SHISA9: variants seen among roughly 807,000 people sequenced by gnomAD.
The protein encoded by SHISA9 is shisa family member 9, also known as protein shisa-9.
SHISA9 carries 13 observed loss-of-function variants against 38.0 expected under a neutral mutation model. The ratio of observed to expected loss-of-function variants is 0.34; its 90% CI spans 0.22 to 0.54. SHISA9 has a LOEUF of 0.54. SHISA9 is among the 20% of genes least tolerant of loss of function. The probability of loss-of-function intolerance (pLI) is 0.91; values close to 1 mark genes in which losing one functional copy is unlikely to be tolerated. For synonymous variants in SHISA9, 275 were observed against 242.0 expected (o/e 1.14, Z -1.27); for missense variants, 538 against 575.8 (o/e 0.93, Z 0.67).
chr16:13,068,693 C>T (rs1309489020), intron 2 of SHISA9, among the ~76,000 whole-genome samples: 1 of 152,206 alleles, frequency 6.6e-6, no homozygotes, highest in Non-Finnish European at 1.5e-5. Context: ...CCCCTGCAAC[C>T]TGTGATGGTA....
intron 2 of SHISA9, among the ~76,000 whole-genome samples, chr16:13,031,733 A>C (rs2072993646): frequency 6.6e-6 from 1 of 152,244 alleles, no homozygotes; most frequent in Non-Finnish European, 1.5e-5. Context: ...CATATGAGAC[A>C]GTTCTGTTAC....
intron 2 of SHISA9, among the ~76,000 whole-genome samples, chr16:12,966,934 G>C (rs572450595): frequency 7.2e-4 from 109 of 152,242 alleles, no homozygotes; most frequent in African/African-American, 2.6e-3. Context: ...CCATTCAACA[G>C]GTTTCCTGGG....
chr16:13,272,091 A>G, the SHISA9 span, among the ~76,000 whole-genome samples: 594 of 81,178 alleles, frequency 7.3e-3, 3 homozygotes, highest in Admixed American at 0.012. Context: ...AAAAAAAAAA[A>G]AGAGAGAGAG....
At chr16:13,057,827 T>C (rs945026064) in intron 2 of SHISA9, among the ~76,000 whole-genome samples, 3 of 152,148 alleles carry the variant, frequency 2.0e-5, no homozygotes, top group African/African-American at 2.4e-5. Flanking sequence ...ACAGGCCCCA[T>C]TGTGTGATAT....
chr16:13,532,739 A>G, the SHISA9 span, among the ~76,000 whole-genome samples: 1 of 152,092 alleles, frequency 6.6e-6, no homozygotes, highest in Non-Finnish European at 1.5e-5. Context: ...TTTCAAGGCC[A>G]TGCCAAACCT....
At chr16:13,274,267 G>A in the SHISA9 span, among the ~76,000 whole-genome samples, 4,163 of 152,144 alleles carry the variant, frequency 0.027, 93 homozygotes, top group Non-Finnish European at 0.043. Flanking sequence ...TGGTGTTCTG[G>A]CTCTCAGTCT....
the SHISA9 span, among the ~76,000 whole-genome samples, chr16:13,267,195 A>C: frequency 6.6e-6 from 1 of 152,208 alleles, no homozygotes; most frequent in Non-Finnish European, 1.5e-5. Flanking sequence ...TCAAGAGCCT[A>C]TAGAATTATT....
the SHISA9 span, among the ~76,000 whole-genome samples, chr16:13,454,936 A>G: frequency 1.3e-5 from 2 of 151,758 alleles, no homozygotes; most frequent in South Asian, 4.2e-4. Flanking sequence ...TGTTCACCCC[A>G]CTCTATTTAG....
the SHISA9 span, among the ~76,000 whole-genome samples, chr16:13,502,873 C>G: frequency 2.0e-5 from 3 of 151,550 alleles, no homozygotes; most frequent in African/African-American, 7.3e-5. Flanking sequence ...TGAGACCTGT[C>G]TCGAAAAAAA....
intron 2 of SHISA9, among the ~76,000 whole-genome samples, chr16:12,967,311 A>G (rs1393057883): frequency 3.3e-5 from 5 of 152,212 alleles, no homozygotes; most frequent in Non-Finnish European, 7.3e-5. Flanking sequence ...TGGCAAGGAC[A>G]AAAAACCAAA....
intron 2 of SHISA9, among the ~76,000 whole-genome samples, chr16:13,147,877 C>T (rs1175019012): frequency 1.3e-5 from 2 of 152,202 alleles, no homozygotes; most frequent in African/African-American, 4.8e-5. Flanking sequence ...TCCTACTGAG[C>T]ATAGCTTGAG....
At chr16:13,539,604 C>T in the SHISA9 span, among the ~76,000 whole-genome samples, 4 of 151,890 alleles carry the variant, frequency 2.6e-5, no homozygotes, top group Admixed American at 1.3e-4. Flanking sequence ...ATTTGAATTT[C>T]CAACTTTTAT....
downstream of SHISA9, among the ~76,000 whole-genome samples, chr16:13,245,122 G>T (rs980925208): frequency 1.2e-4 from 18 of 152,040 alleles, no homozygotes; most frequent in African/African-American, 4.3e-4. Flanking sequence ...TCACCATGTT[G>T]TACAGGTTGG....
chr16:13,131,746 A>C (rs1289844574), intron 2 of SHISA9, among the ~76,000 whole-genome samples: 1 of 152,180 alleles, frequency 6.6e-6, no homozygotes, highest in African/African-American at 2.4e-5. Context: ...AAAATCCCAA[A>C]AAAGGAAAAT....
chr16:12,944,681 G>A (rs76912176), intron 2 of SHISA9, among the ~76,000 whole-genome samples: 2,615 of 152,230 alleles, frequency 0.017, 54 homozygotes, highest in East Asian at 0.078. Context: ...TAGCTAGAAA[G>A]CAGCTGTGGA....
At chr16:12,908,715 G>A (rs1422115724) in intron 1 of SHISA9, 13 of 1,469,714 alleles carry the variant, frequency 8.8e-6, no homozygotes, top group Middle Eastern at 4.4e-4. Context: ...AGTTCAAGAA[G>A]CTACCGTAAG....
At chr16:13,560,440 T>C in the SHISA9 span, among the ~76,000 whole-genome samples, 3 of 152,112 alleles carry the variant, frequency 2.0e-5, no homozygotes, top group East Asian at 5.8e-4. Flanking sequence ...TCTATCGAAA[T>C]TCAGGGATGG....
the SHISA9 span, among the ~76,000 whole-genome samples, chr16:13,513,693 G>T: frequency 3.3e-5 from 5 of 152,130 alleles, no homozygotes; most frequent in Non-Finnish European, 7.3e-5. Flanking sequence ...GCAAGGACAT[G>T]GATTAAGGTA....
chr16:12,946,457 T>C (rs2071689513), intron 2 of SHISA9, among the ~76,000 whole-genome samples: 1 of 152,204 alleles, frequency 6.6e-6, no homozygotes, highest in Non-Finnish European at 1.5e-5. Flanking sequence ...ATTTAATTTA[T>C]CGAGGAGATT....
Sources: allele counts gnomAD v4.1 joint callset (sites outside exome capture counted in the v4.1 genomes callset), GRCh38; gene constraint gnomAD v4.1.1; transcripts MANE v1.5; gene names NCBI Gene and HGNC (gene_info 2026-07-23, HGNC 2026-07-21).